The following TTC23 variants were observed in gnomAD, a reference collection of about 807,000 sequenced individuals.
The protein encoded by TTC23 is tetratricopeptide repeat domain 23, also known as tetratricopeptide repeat protein 23.
In TTC23, 58 loss-of-function variants were observed where a neutral mutation model predicts 55.1. The observed-to-expected ratio is 1.05, with a 90% CI of 0.85 to 1.31. The LOEUF (loss-of-function observed/expected upper bound fraction) is 1.31. Among genes scored for constraint, TTC23 ranks in the 50% most tolerant of loss-of-function variants. The probability of loss-of-function intolerance (pLI) is 0.00; values close to 1 mark genes in which losing one functional copy is unlikely to be tolerated. For synonymous variants in TTC23, 203 were observed against 199.9 expected (o/e 1.02, Z -0.13); for missense variants, 516 against 534.4 (o/e 0.97, Z 0.34).
chr15:99,161,994 G>A (rs1194501766), intron 10 of TTC23, 127 bp from the exon 11 acceptor site: 1 of 974,396 alleles, frequency 1.0e-6, no homozygotes, highest in Admixed American at 3.5e-5. Context: ...AAACAGTTAA[G>A]ACTGTCCTTT....
intron 12 of TTC23, chr15:99,140,191 G>A (rs1371023132): frequency 6.4e-6 from 1 of 157,380 alleles, no homozygotes; most frequent in Non-Finnish European, 1.4e-5. Context: ...ATGGCCTTGC[G>A]GGATTGGTGA....
rs572384951 is a variant in TTC23 at position 99,137,939 on chromosome 15, C to T, written c.*71G>A. On this transcript the variant is annotated 3_prime_UTR_variant, in exon 14 of 14. Transcript: ENST00000394132. ...TGACTGTTGAATTCCATTTTCTAGG[C>T]GGAGGTGATTTGTACAGCACCCTAA... 31 of 1,582,326 alleles carry T rather than the reference C, an allele frequency of 2.0e-5. No homozygotes were observed. The Admixed American group carries it at 2.1e-4, about 11-fold the overall frequency.
chr15:99,210,677 T>C (rs1411422097), intron 8 of TTC23, among the ~76,000 whole-genome samples: 1 of 152,164 alleles, frequency 6.6e-6, no homozygotes, highest in Non-Finnish European at 1.5e-5. Flanking sequence ...CCTCAGGTGA[T>C]GGTAAGAACT....
intron 11 of TTC23, among the ~76,000 whole-genome samples, chr15:99,156,551 C>T (rs1241371871): frequency 1.3e-5 from 2 of 152,192 alleles, no homozygotes; most frequent in Non-Finnish European, 2.9e-5. Flanking sequence ...TGGCAGAGGG[C>T]ACCTCTTTCA....
At chr15:99,248,924 C>T (rs1256630983) in intron 1 of TTC23, among the ~76,000 whole-genome samples, 1 of 151,838 alleles carries the variant, frequency 6.6e-6, no homozygotes, top group East Asian at 1.9e-4. Context: ...CAGATCTGTC[C>T]CTGGAATCCC....
intron 5 of TTC23, among the ~76,000 whole-genome samples, chr15:99,225,386 G>A (rs2078310119): frequency 6.6e-6 from 1 of 152,096 alleles, no homozygotes; most frequent in Admixed American, 6.5e-5. Flanking sequence ...CATCTCACCT[G>A]GTCCCCTCAG....
chr15:99,147,597 T>C (rs2069101871), intron 12 of TTC23, among the ~76,000 whole-genome samples: 1 of 152,194 alleles, frequency 6.6e-6, no homozygotes, highest in South Asian at 2.1e-4. Flanking sequence ...CATTCTCATA[T>C]AAACTGATTT....
At chr15:99,146,035 T>A (rs2068817980) in intron 12 of TTC23, among the ~76,000 whole-genome samples, 1 of 152,182 alleles carries the variant, frequency 6.6e-6, no homozygotes, top group Admixed American at 6.5e-5. Flanking sequence ...CCAAGTCCCA[T>A]GGGTTCTAAT....
chr15:99,185,703 A>G (rs1481992862), intron 9 of TTC23, among the ~76,000 whole-genome samples: 6 of 152,132 alleles, frequency 3.9e-5, no homozygotes, highest in African/African-American at 1.4e-4. Flanking sequence ...ATAAGGTTTT[A>G]TTGCCAAAGT....
chr15:99,248,162 T>C (rs1025338823), intron 1 of TTC23: 11 of 152,188 alleles, frequency 7.2e-5, no homozygotes, highest in African/African-American at 2.7e-4. Flanking sequence ...GGTAAATGTA[T>C]TCGGGTAAGA....
At chr15:99,237,532 G>C (rs1276764290) in intron 3 of TTC23, among the ~76,000 whole-genome samples, 2 of 152,104 alleles carry the variant, frequency 1.3e-5, no homozygotes, top group African/African-American at 2.4e-5. Flanking sequence ...AAGAAGTCAG[G>C]CAAAATAGAG....
At chr15:99,237,481 T>C (rs1189561130) in intron 3 of TTC23, among the ~76,000 whole-genome samples, 1 of 152,184 alleles carries the variant, frequency 6.6e-6, no homozygotes, top group African/African-American at 2.4e-5. Context: ...GGGATGAATA[T>C]GTTGCGACAT....
At chr15:99,195,039 T>C (rs2075583557) in intron 9 of TTC23, among the ~76,000 whole-genome samples, 1 of 152,202 alleles carries the variant, frequency 6.6e-6, no homozygotes, top group African/African-American at 2.4e-5. Context: ...TTTTTAGATA[T>C]ATCACCAAAG....
intron 8 of TTC23, among the ~76,000 whole-genome samples, chr15:99,216,604 G>A (rs943971824): frequency 6.6e-6 from 1 of 152,186 alleles, no homozygotes; most frequent in Non-Finnish European, 1.5e-5. Context: ...TGAATCCCAA[G>A]TGGCTAAGTC....
At chr15:99,149,539 C>T (rs1338137953) in intron 12 of TTC23, among the ~76,000 whole-genome samples, 1 of 152,188 alleles carries the variant, frequency 6.6e-6, no homozygotes, top group Non-Finnish European at 1.5e-5. Flanking sequence ...GGAAACTGGC[C>T]AACATGCAGA....
At chr15:99,196,177 G>T (rs2075692901) in intron 9 of TTC23, among the ~76,000 whole-genome samples, 1 of 150,196 alleles carries the variant, frequency 6.7e-6, no homozygotes, top group Non-Finnish European at 1.5e-5. Context: ...AAGTTTGAGA[G>T]ATATGGGTTA....
At chr15:99,162,722 G>C (rs1488409212) in intron 10 of TTC23, among the ~76,000 whole-genome samples, 1 of 152,130 alleles carries the variant, frequency 6.6e-6, no homozygotes, top group African/African-American at 2.4e-5. Flanking sequence ...GATGGAACTT[G>C]TGAGTATGAA....
intron 8 of TTC23, among the ~76,000 whole-genome samples, chr15:99,202,967 C>T (rs2076318362): frequency 6.6e-6 from 1 of 152,202 alleles, no homozygotes; most frequent in Non-Finnish European, 1.5e-5. Context: ...TAAATGTCTA[C>T]ACATAATCAT....
chr15:99,164,070 G>A (rs995915339), intron 10 of TTC23, among the ~76,000 whole-genome samples: 30 of 152,206 alleles, frequency 2.0e-4, no homozygotes, highest in African/African-American at 6.0e-4. Flanking sequence ...CATATATGTA[G>A]TCTGAATGTG....
Sources: allele counts gnomAD v4.1 joint callset (sites outside exome capture counted in the v4.1 genomes callset), GRCh38; gene constraint gnomAD v4.1.1; transcripts MANE v1.5; gene names NCBI Gene and HGNC (gene_info 2026-07-23, HGNC 2026-07-21).